Variants in CTNNA3 observed in about 807,000 individuals in gnomAD.
CTNNA3 encodes catenin alpha-3.
CTNNA3 carries 76 observed loss-of-function variants against 95.7 expected under a neutral mutation model. The ratio of observed to expected loss-of-function variants is 0.79; its 90% confidence interval spans 0.66 to 0.96. The LOEUF is 0.96. CTNNA3 is among the 40% of genes least tolerant of loss of function. CTNNA3 has a pLI of 0.00. For missense variants in CTNNA3, 1,191 were observed against 1,089.8 expected, an observed-to-expected ratio of 1.09 and a Z score of -1.31; for synonymous variants, 431 against 374.4, an observed-to-expected ratio of 1.15 and a Z score of -1.74.
chr10:66,272,948 T>C (rs756644491), intron 13 of CTNNA3, among the ~76,000 whole-genome samples: 1 of 152,162 alleles, frequency 6.6e-6, no homozygotes, highest in Non-Finnish European at 1.5e-5. Flanking sequence ...GCCTTTTCCA[T>C]CTTAACTAAG....
chr10:66,702,848 G>A (rs777357761), intron 9 of CTNNA3, among the ~76,000 whole-genome samples: 7 of 151,856 alleles, frequency 4.6e-5, no homozygotes, highest in Admixed American at 2.6e-4. Flanking sequence ...GTACAGTGCT[G>A]TAGTCCTTCA....
At chr10:66,892,458 T>C (rs1290181839) in intron 7 of CTNNA3, among the ~76,000 whole-genome samples, 1 of 152,146 alleles carries the variant, frequency 6.6e-6, no homozygotes, top group African/African-American at 2.4e-5. Context: ...TCAAGGATGC[T>C]TTTATTTATA....
chr10:67,345,539 T>C (rs1212883892), intron 5 of CTNNA3, among the ~76,000 whole-genome samples: 1 of 152,278 alleles, frequency 6.6e-6, no homozygotes, highest in East Asian at 1.9e-4. Context: ...AAAATTGTTA[T>C]ATCCTCTTGC....
intron 7 of CTNNA3, among the ~76,000 whole-genome samples, chr10:66,883,974 G>T (rs999689599): frequency 7.2e-5 from 11 of 152,006 alleles, no homozygotes; most frequent in African/African-American, 2.4e-4. Context: ...TTCAAGACTG[G>T]GCATCTGCAT....
intron 10 of CTNNA3, among the ~76,000 whole-genome samples, chr10:66,563,629 A>G (rs1842618907): frequency 6.6e-6 from 1 of 152,082 alleles, no homozygotes; most frequent in Admixed American, 6.6e-5. Context: ...CTCCGATTCT[A>G]TTCCTACATA....
At chr10:66,071,439 TA>T (rs1422604786) in intron 14 of CTNNA3, among the ~76,000 whole-genome samples, 2 of 152,238 alleles carry the variant, frequency 1.3e-5, no homozygotes, top group African/African-American at 4.8e-5. Context: ...CCCAATTTTG[TA>T]AGTGAGGAAA....
At chr10:66,487,417 G>A (rs1839776175) in intron 11 of CTNNA3, among the ~76,000 whole-genome samples, 2 of 151,610 alleles carry the variant, frequency 1.3e-5, no homozygotes, top group South Asian at 4.2e-4. Context: ...TAGCCAGGAT[G>A]GTCTCGATCT....
chr10:66,390,281 T>A (rs941751850), intron 11 of CTNNA3, among the ~76,000 whole-genome samples: 1 of 152,030 alleles, frequency 6.6e-6, no homozygotes, highest in Admixed American at 6.6e-5. Flanking sequence ...TTTGAATACA[T>A]CAACAGCAAA....
At chr10:66,444,326 C>A (rs542646749) in intron 11 of CTNNA3, among the ~76,000 whole-genome samples, 6 of 152,078 alleles carry the variant, frequency 3.9e-5, no homozygotes, top group Non-Finnish European at 7.4e-5. Flanking sequence ...ACAGAGAACA[C>A]CACAAAGATA....
chr10:66,384,229 T>G (rs1210010544), intron 11 of CTNNA3, among the ~76,000 whole-genome samples: 1 of 151,580 alleles, frequency 6.6e-6, no homozygotes, highest in Non-Finnish European at 1.5e-5. Context: ...GCATATAGGC[T>G]CAAAATAAAG....
At chr10:67,397,925 T>C (rs1186734666) in intron 5 of CTNNA3, among the ~76,000 whole-genome samples, 6 of 152,174 alleles carry the variant, frequency 3.9e-5, no homozygotes, top group Admixed American at 3.9e-4. Flanking sequence ...AAACTGAGGT[T>C]TAGGAACCTC....
At chr10:66,477,330 A>G (rs961645403) in intron 11 of CTNNA3, among the ~76,000 whole-genome samples, 10 of 152,088 alleles carry the variant, frequency 6.6e-5, no homozygotes, top group Non-Finnish European at 1.5e-4. Flanking sequence ...TTTATATAAT[A>G]TTTCAGAGCT....
chr10:66,085,298 G>T (rs892830537), intron 14 of CTNNA3, among the ~76,000 whole-genome samples: 1 of 152,112 alleles, frequency 6.6e-6, no homozygotes. Context: ...GATGGATAAA[G>T]TGATAGGAGG....
chr10:67,080,723 C>T (rs1442719273), intron 7 of CTNNA3, among the ~76,000 whole-genome samples: 1 of 151,944 alleles, frequency 6.6e-6, no homozygotes, highest in Non-Finnish European at 1.5e-5. Context: ...TCCTGGCTAA[C>T]ACAGTGAAAC....
At position 65,931,782 on chromosome 10, in the gene CTNNA3, G is replaced by A. The variant is rs2133145683; in HGVS notation, c.2401-11165C>T. ...TCTTCCAGAGTCTTTCTATAGATCA[G>A]CACAGCTGTCTCCTAGCTGAGAGGA... On this transcript the variant is annotated intron_variant, in intron 17 of 17. Coordinates refer to ENST00000433211, the MANE Select transcript of CTNNA3 (RefSeq NM_013266.4). Among the ~76,000 whole-genome samples the A allele has an allele frequency of 2.0e-5, 3 of 152,310 alleles. No individual in the cohort carries two copies. In the South Asian group the frequency reaches 6.2e-4, roughly 32 times the overall value.
chr10:67,405,308 C>A (rs75670122), intron 5 of CTNNA3, among the ~76,000 whole-genome samples: 1 of 151,968 alleles, frequency 6.6e-6, no homozygotes, highest in Non-Finnish European at 1.5e-5. Context: ...CCATCTCACA[C>A]GCAAAAACAT....
At chr10:66,013,765 G>T (rs1315518555) in intron 15 of CTNNA3, among the ~76,000 whole-genome samples, 1 of 152,128 alleles carries the variant, frequency 6.6e-6, no homozygotes, top group African/African-American at 2.4e-5. Flanking sequence ...TGTTAGCTGT[G>T]TTCCTAGAAC....
At chr10:66,900,020 C>A (rs962110025) in intron 7 of CTNNA3, among the ~76,000 whole-genome samples, 2 of 152,128 alleles carry the variant, frequency 1.3e-5, no homozygotes, top group African/African-American at 4.8e-5. Context: ...AGTGTTTGAG[C>A]TCTGAGAACA....
At chr10:66,520,337 T>C (rs1288230018) in intron 11 of CTNNA3, among the ~76,000 whole-genome samples, 10 of 144,242 alleles carry the variant, frequency 6.9e-5, no homozygotes, top group Non-Finnish European at 1.5e-4. Flanking sequence ...CTGCAACCTC[T>C]GCCTCCTGGG....
Sources: allele counts gnomAD v4.1 joint callset (sites outside exome capture counted in the v4.1 genomes callset), GRCh38; gene constraint gnomAD v4.1.1; transcripts MANE v1.5; gene names NCBI Gene and HGNC (gene_info 2026-07-23, HGNC 2026-07-21).